The following DENND6A variants were observed in gnomAD, a reference collection of about 807,000 sequenced individuals.
The protein encoded by DENND6A is DENN domain containing 6A, also known as protein DENND6A.
Under a neutral mutation model 95.5 loss-of-function variants are expected in DENND6A, and 43 were observed. The ratio of observed to expected loss-of-function variants is 0.45; its 90% CI spans 0.35 to 0.58. The LOEUF is 0.58. Among genes scored for constraint, DENND6A ranks in the 20% least tolerant of loss-of-function variants. DENND6A has a pLI of 0.00. For missense variants in DENND6A, 574 were observed against 736.0 expected (o/e 0.78, Z 2.55); for synonymous variants, 257 against 260.4 (o/e 0.99, Z 0.13).
chr3:57,651,649 T>C (rs969124672), intron 9 of DENND6A, among the ~76,000 whole-genome samples: 5 of 151,966 alleles, frequency 3.3e-5, no homozygotes, highest in African/African-American at 1.2e-4. Flanking sequence ...AGGTTGAATA[T>C]TGTATGATAT....
At chr3:57,641,768 CAAAAT>C (rs758833053) in intron 11 of DENND6A, 21 bp from the exon 12 acceptor site, 19 of 1,578,546 alleles carry the variant, frequency 1.2e-5, no homozygotes, top group African/African-American at 2.7e-5. Flanking sequence ...CAAAACAAAA[CAAAAT>C]AAAAAAGGTG....
At chr3:57,667,994 A>G (rs1458456238) in intron 3 of DENND6A, among the ~76,000 whole-genome samples, 1 of 150,286 alleles carries the variant, frequency 6.7e-6, no homozygotes, top group Admixed American at 6.6e-5. Flanking sequence ...TGAACACAGT[A>G]GGCAGAGGTT....
intron 7 of DENND6A, 23 bp downstream of exon 7, chr3:57,660,737 A>T (rs1475380487): frequency 6.4e-7 from 1 of 1,567,278 alleles, no homozygotes; most frequent in South Asian, 1.2e-5. Flanking sequence ...TAAAAAGGAG[A>T]CAATTGAGAT....
Position 57,663,748 on chromosome 3 carries a change from G to T in DENND6A, c.433-32C>A, listed in dbSNP as rs553104963. 2.6e-4 allele frequency: 343 copies of T among 1,343,128 alleles called. 1 individual carries two copies. The highest frequency in any genetic ancestry group is 6.7e-4 in the East Asian group (28 of 41,782). 83.2% of individuals were successfully genotyped at this position (1,343,128 alleles called of 1,614,324 possible). A position where few individuals can be genotyped will look rare whatever the true frequency, so the allele number is the denominator to read the frequency against. ...AGAAAGTGACAAGTAAGTGTGTGTG[G>T]GGGGGTACATATATATGTATCTATA... On this transcript the variant is annotated intron_variant, in intron 4 of 19. Coordinates refer to ENST00000311128, the MANE Select transcript of DENND6A (RefSeq NM_152678.3).
At chr3:57,682,764 C>A (rs2077178112) in intron 1 of DENND6A, among the ~76,000 whole-genome samples, 2 of 152,174 alleles carry the variant, frequency 1.3e-5, no homozygotes. Context: ...CAACCTCCAA[C>A]TCCCAAGTTC....
Position 57,629,718 on chromosome 3 carries a change from T to C in DENND6A, c.1620+703A>G, listed in dbSNP as rs191149462. 1.3e-3 allele frequency among the ~76,000 whole-genome samples: 192 copies of C among 151,176 alleles called. 1 individual carries two copies. In the East Asian group the frequency reaches 0.037, roughly 29 times the overall value. ...TTTGTATTTTCAGTAGAGATGGGGT[T>C]TCACCGTGTTAGCCAGGATGGTCTC... is the stretch of plus-strand genomic sequence containing the variant. On this transcript the variant is annotated intron_variant, in intron 18 of 19. Coordinates refer to ENST00000311128, the MANE Select transcript of DENND6A (RefSeq NM_152678.3).
rs1245044273 is a variant in DENND6A, at chr3:57,630,972, A to T, written c.1360T>A (p.Tyr454Asn). 2 of 1,613,048 alleles carry T rather than the reference A, an allele frequency of 1.2e-6. No individual in the cohort carries two copies. The highest frequency in any genetic ancestry group is 3.3e-5 in the Admixed American group (2 of 59,750). Residue 454 changes from tyrosine to asparagine, a missense_variant, in exon 16 of 20, where the codon TAT (tyrosine) becomes AAT (asparagine). By Grantham distance (143) the Tyr-to-Asn change is moderately radical. This residue lies in a region of DENND6A where 452 missense variants were observed against 630.9 expected (regional missense o/e 0.72). Coordinates refer to ENST00000311128, the MANE Select transcript of DENND6A (RefSeq NM_152678.3). ...TQSFIIPLER[Y>N]VASLMPLQKS... ...TGCAAAGGCATCAAGCTTGCCACAT[A>T]TCTTTCCTAAAACCAAGAAAAAAGT...
At chr3:57,683,601 G>C (rs1182443316) in intron 1 of DENND6A, among the ~76,000 whole-genome samples, 1 of 152,024 alleles carries the variant, frequency 6.6e-6, no homozygotes, top group Admixed American at 6.5e-5. Flanking sequence ...TCAGAAAATA[G>C]CCCTGGGTAC....
intron 1 of DENND6A, among the ~76,000 whole-genome samples, chr3:57,673,002 G>A (rs894099307): frequency 4.6e-5 from 7 of 151,566 alleles, no homozygotes; most frequent in Admixed American, 2.6e-4. Context: ...AGGCTGAGAC[G>A]TGCAGAGTTC....
chr3:57,692,582 TC>T (rs1310463186), intron 1 of DENND6A, among the ~76,000 whole-genome samples, 199 bp downstream of exon 1: 2 of 152,190 alleles, frequency 1.3e-5, no homozygotes, highest in Admixed American at 6.5e-5. Context: ...AGAGAACTTT[TC>T]ACCCCTAGCC....
At position 57,628,161 on chromosome 3, in the gene DENND6A, T is replaced by C. The variant is rs929871391; in HGVS notation, c.*53A>G. 2 of 1,580,640 alleles carry C rather than the reference T, an allele frequency of 1.3e-6. No homozygotes were observed. Among genetic ancestry groups the C allele is most frequent in the African/African-American group, 2.7e-5 (2 of 74,138 alleles). ...CTCCTTTGTGCGTCTGGTTGAAATG[T>C]CAGTATGCTTCATGATGCATAATCC... On this transcript the variant is annotated 3_prime_UTR_variant, in exon 20 of 20. Coordinates refer to ENST00000311128, the MANE Select transcript of DENND6A (RefSeq NM_152678.3).
chr3:57,671,255 TGGCTCAC>T (rs1195782865), intron 3 of DENND6A, among the ~76,000 whole-genome samples: 4 of 152,180 alleles, frequency 2.6e-5, no homozygotes, highest in Admixed American at 2.6e-4. Context: ...CCGGGTGTGG[TGGCTCAC>T]GCCTGTAATC....
At chr3:57,663,952 A>C (rs951416503) in intron 4 of DENND6A, among the ~76,000 whole-genome samples, 2 of 152,172 alleles carry the variant, frequency 1.3e-5, no homozygotes, top group Non-Finnish European at 2.9e-5. Flanking sequence ...ATGTGTGTAA[A>C]AGCTTAAAAT....
chr3:57,645,794 G>A lies in DENND6A; in HGVS notation c.942-38C>T, dbSNP rs373176643. The A allele has an allele frequency of 4.8e-6, 7 of 1,457,414 alleles. No homozygotes were observed. In the African/African-American group the frequency reaches 9.8e-5, roughly 20 times the overall value. 90.3% of individuals were successfully genotyped at this position (1,457,414 alleles called of 1,614,324 possible). On this transcript the variant is annotated intron_variant, in intron 10 of 19. Coordinates refer to ENST00000311128, the MANE Select transcript of DENND6A (RefSeq NM_152678.3). ...AAGAACATGTAAAATAAAGGACACA[G>A]AAATTAAAGGTCCTAATCTATAACT...
Position 57,646,336 on chromosome 3 carries a change from C to G in DENND6A, c.921G>C (p.Glu307Asp), listed in dbSNP as rs2071079834. The G allele has an allele frequency of 1.9e-6, 3 of 1,613,748 alleles. No homozygotes were observed. The highest frequency in any genetic ancestry group is 2.2e-5 in the South Asian group (2 of 91,006). The part of the protein sequence containing the change: ...VMAPSPSESS[E>D]TVLALVNCIS... ...CTCACTTAACAAGTGCCAATACAGT[C>G]TCTGATGATTCCGATGGTGATGGCG... The change falls in exon 10 of 20, where the codon GAG (glutamate) becomes GAC (aspartate). Residue 307 changes from glutamate to aspartate, a missense_variant. Physicochemically the swap from Glu to Asp is conservative, Grantham distance 45 (BLOSUM62 2). This residue lies in a region of DENND6A where 452 missense variants were observed against 630.9 expected (regional missense o/e 0.72). Coordinates refer to ENST00000311128, the MANE Select transcript of DENND6A (RefSeq NM_152678.3).
chr3:57,679,330 C>T (rs997368218), intron 1 of DENND6A, among the ~76,000 whole-genome samples: 19 of 152,222 alleles, frequency 1.2e-4, no homozygotes, highest in African/African-American at 4.6e-4. Context: ...AGGCAACAGA[C>T]AAAATATTAG....
intron 1 of DENND6A, among the ~76,000 whole-genome samples, chr3:57,676,173 T>C (rs1220710202): frequency 6.6e-6 from 1 of 151,166 alleles, no homozygotes; most frequent in African/African-American, 2.4e-5. Context: ...AGGCCAGGAG[T>C]TCGAGATCAG....
chr3:57,643,125 G>GC (rs2070987620), intron 11 of DENND6A, among the ~76,000 whole-genome samples: 1 of 152,048 alleles, frequency 6.6e-6, no homozygotes, highest in African/African-American at 2.4e-5. Flanking sequence ...CAGTAAGACT[G>GC]GAAAGGGAGC....
At chr3:57,685,420 G>A (rs1312682068) in intron 1 of DENND6A, among the ~76,000 whole-genome samples, 2 of 152,090 alleles carry the variant, frequency 1.3e-5, no homozygotes, top group Non-Finnish European at 2.9e-5. Flanking sequence ...AAGTGTTTTG[G>A]ATCTCAGATC....
Sources: allele counts gnomAD v4.1 joint callset (sites outside exome capture counted in the v4.1 genomes callset), GRCh38; gene constraint gnomAD v4.1.1; regional missense constraint gnomAD v4.1.1; transcripts MANE v1.5; gene names NCBI Gene and HGNC (gene_info 2026-07-23, HGNC 2026-07-21).